Variants in OPCML observed in about 807,000 individuals in gnomAD.
The protein encoded by OPCML is opioid-binding protein/cell adhesion molecule.
A neutral mutation model predicts 37.8 loss-of-function variants in OPCML; 13 were observed. The observed-to-expected ratio is 0.34, with a 90% confidence interval of 0.22 to 0.55. OPCML has a LOEUF of 0.55. Ranked by LOEUF, OPCML falls within the 20% of genes least tolerant of loss-of-function variation. The pLI, the probability that OPCML is intolerant of heterozygous loss-of-function variation, is 0.91. For synonymous variants in OPCML, 176 were observed against 168.8 expected (o/e 1.04, Z -0.33); for missense variants, 341 against 435.6 (o/e 0.78, Z 1.93).
Position 133,532,244 on chromosome 11 carries a change from A to C in OPCML, c.61+20T>G. The C allele has an allele frequency of 6.2e-7, 1 of 1,612,668 alleles. No individual in the cohort carries two copies. The highest frequency in any genetic ancestry group is 8.5e-7 in the Non-Finnish European group (1 of 1,179,460). On this transcript the variant is annotated intron_variant, in intron 1 of 7. Coordinates refer to ENST00000524381, the MANE Select transcript of OPCML (RefSeq NM_001012393.5). ...TACAATCACCCCAGGGAGAGAAAACACCCTTCCCCTGTACGGTACCTGGGA... is the reference window on the plus strand; with the variant it reads ...TACAATCACCCCAGGGAGAGAAAACCCCCTTCCCCTGTACGGTACCTGGGA...
At chr11:133,282,775 C>T (rs1308827249) in intron 1 of OPCML, among the ~76,000 whole-genome samples, 1 of 152,190 alleles carries the variant, frequency 6.6e-6, no homozygotes, top group Non-Finnish European at 1.5e-5. Flanking sequence ...AGCAGAGTTT[C>T]CCAAAGGCCT....
At chr11:133,224,384 G>A (rs146099674) in intron 1 of OPCML, among the ~76,000 whole-genome samples, 316 of 152,326 alleles carry the variant, frequency 2.1e-3, no homozygotes, top group Non-Finnish European at 3.8e-3. Flanking sequence ...CTGCAGCTCC[G>A]TGCCCGAAAA....
chr11:132,808,707 A>G (rs1939159482), intron 2 of OPCML, among the ~76,000 whole-genome samples: 1 of 152,172 alleles, frequency 6.6e-6, no homozygotes, highest in South Asian at 2.1e-4. Flanking sequence ...ACAGGTTTGA[A>G]GCAATTTGGG....
chr11:133,417,062 G>A (rs1478869192), intron 1 of OPCML, among the ~76,000 whole-genome samples: 1 of 152,210 alleles, frequency 6.6e-6, no homozygotes, highest in Non-Finnish European at 1.5e-5. Flanking sequence ...AGAGAGAGCA[G>A]GGAGGCTGTG....
intron 3 of OPCML, among the ~76,000 whole-genome samples, chr11:132,537,404 C>T (rs539772148): frequency 3.9e-5 from 6 of 152,176 alleles, no homozygotes; most frequent in African/African-American, 9.6e-5. Context: ...GAAGTTGGAC[C>T]CCTACTTCAT....
chr11:132,607,553 T>C (rs1938380072), intron 3 of OPCML, among the ~76,000 whole-genome samples: 1 of 152,162 alleles, frequency 6.6e-6, no homozygotes, highest in Admixed American at 6.5e-5. Flanking sequence ...CAGTGTATAT[T>C]TGAATCACAC....
At chr11:132,952,654 C>A (rs925740926) in intron 1 of OPCML, among the ~76,000 whole-genome samples, 2 of 152,104 alleles carry the variant, frequency 1.3e-5, no homozygotes, top group African/African-American at 2.4e-5. Context: ...CAACATTGTG[C>A]GTGAATTAAA....
intron 1 of OPCML, among the ~76,000 whole-genome samples, chr11:133,235,810 A>G (rs1302228739): frequency 1.3e-5 from 2 of 152,194 alleles, no homozygotes; most frequent in South Asian, 4.1e-4. Flanking sequence ...GGAGTCAGGT[A>G]TCAGATCTGG....
chr11:133,267,670 T>C (rs928127096), intron 1 of OPCML, among the ~76,000 whole-genome samples: 3 of 152,174 alleles, frequency 2.0e-5, no homozygotes, highest in Non-Finnish European at 4.4e-5. Flanking sequence ...CCAAATCTCA[T>C]CTGGAATTGT....
intron 2 of OPCML, among the ~76,000 whole-genome samples, chr11:132,831,661 C>A (rs1940698019): frequency 6.6e-6 from 1 of 152,042 alleles, no homozygotes; most frequent in Non-Finnish European, 1.5e-5. Context: ...GACATTTTCA[C>A]TTGACCCTCT....
chr11:132,776,534 A>T (rs1946814864), intron 2 of OPCML, among the ~76,000 whole-genome samples: 1 of 151,932 alleles, frequency 6.6e-6, no homozygotes, highest in Admixed American at 6.6e-5. Context: ...TACTCAGTTC[A>T]TGCAAGATCT....
chr11:132,815,220 C>A (rs1473136329), intron 2 of OPCML, among the ~76,000 whole-genome samples: 1 of 152,156 alleles, frequency 6.6e-6, no homozygotes, highest in Non-Finnish European at 1.5e-5. Flanking sequence ...CGGATTATGC[C>A]TTTCCCTTTT....
At chr11:132,425,752 C>A (rs949367807) in intron 7 of OPCML, among the ~76,000 whole-genome samples, 2 of 152,304 alleles carry the variant, frequency 1.3e-5, no homozygotes, top group Admixed American at 6.5e-5. Context: ...AATTGGGTGA[C>A]CTTCTCCCTT....
chr11:133,162,868 G>A (rs950646569), intron 1 of OPCML, among the ~76,000 whole-genome samples: 3 of 152,094 alleles, frequency 2.0e-5, no homozygotes, highest in Middle Eastern at 3.2e-3. Context: ...GTAGCGAAAC[G>A]AGTGTTTCAG....
rs1475657949 is a variant in OPCML at position 133,296,991 on chromosome 11, A to G, written c.61+235273T>C. Among the ~76,000 whole-genome samples, 3 of 152,334 alleles carry G rather than the reference A, an allele frequency of 2.0e-5. No individual in the cohort carries two copies. In the East Asian group the frequency reaches 5.8e-4, roughly 29 times the overall value. On this transcript the variant is annotated intron_variant, in intron 1 of 7. Transcript: ENST00000524381. ...AACTCACATTTATTTTACCATGAAC[A>G]GTTGCAAACCCATTAACAGTGAACA...
intron 1 of OPCML, among the ~76,000 whole-genome samples, chr11:132,954,327 A>G (rs1449127966): frequency 6.6e-6 from 1 of 152,094 alleles, no homozygotes; most frequent in Non-Finnish European, 1.5e-5. Flanking sequence ...TATGTACAGC[A>G]TGCTACAGGA....
intron 7 of OPCML, among the ~76,000 whole-genome samples, chr11:132,432,988 G>A (rs908880324): frequency 6.6e-6 from 1 of 152,168 alleles, no homozygotes; most frequent in Non-Finnish European, 1.5e-5. Context: ...ATGAGTGGAT[G>A]CAGAATTGGG....
At position 132,705,912 on chromosome 11, in the gene OPCML, A is replaced by G. The variant is rs527663285; in HGVS notation, c.147-48593T>C. ...AACCTCCACCTCCCGGGTTCAAGTGATTCTCCTGTCTTAGCCTCCTGAGTA... is the reference window on the plus strand; with the variant it reads ...AACCTCCACCTCCCGGGTTCAAGTGGTTCTCCTGTCTTAGCCTCCTGAGTA... On this transcript the variant is annotated intron_variant, in intron 2 of 7. Coordinates refer to ENST00000524381, the MANE Select transcript of OPCML (RefSeq NM_001012393.5). Among the ~76,000 whole-genome samples the G allele has an allele frequency of 2.0e-5, 3 of 152,192 alleles. No individual in the cohort carries two copies. In the South Asian group the frequency reaches 6.2e-4, roughly 32 times the overall value.
At chr11:133,297,698 C>A (rs1307075625) in intron 1 of OPCML, 1 of 152,186 alleles carries the variant, frequency 6.6e-6, no homozygotes, top group African/African-American at 2.4e-5. Context: ...GGTTTTTAGC[C>A]AGGAATGGCA....
Sources: gnomAD v4.1 joint callset for allele counts (sites outside exome capture counted in the v4.1 genomes callset) on GRCh38, gnomAD v4.1.1 for gene constraint, MANE v1.5 for transcripts, NCBI Gene and HGNC (gene_info 2026-07-23, HGNC 2026-07-21) for gene names.